KCNIP4: variants seen among roughly 807,000 people sequenced by gnomAD.
The protein encoded by KCNIP4 is potassium voltage-gated channel interacting protein 4.
A neutral mutation model predicts 34.0 loss-of-function variants in KCNIP4; 12 were observed. That is an observed-to-expected ratio of 0.35 (90% CI 0.23 to 0.57). The LOEUF is 0.57. KCNIP4 is among the 20% of genes least tolerant of loss of function. The pLI, the probability that KCNIP4 is intolerant of heterozygous loss-of-function variation, is 0.83. For synonymous variants in KCNIP4, 124 were observed against 102.2 expected (o/e 1.21, Z -1.29); for missense variants, 238 against 311.7 (o/e 0.76, Z 1.78).
chr4:20,894,408 T>C (rs958699197), intron 1 of KCNIP4, among the ~76,000 whole-genome samples: 1 of 152,202 alleles, frequency 6.6e-6, no homozygotes, highest in Non-Finnish European at 1.5e-5. Flanking sequence ...CAGTAACTAG[T>C]ATATATTCTT....
At chr4:21,007,473 G>A (rs1339552964) in intron 1 of KCNIP4, among the ~76,000 whole-genome samples, 1 of 152,126 alleles carries the variant, frequency 6.6e-6, no homozygotes, top group Non-Finnish European at 1.5e-5. Context: ...ACCCTGTCAT[G>A]CTTTCAAAAA....
At chr4:20,891,131 G>A (rs1725873175) in intron 1 of KCNIP4, among the ~76,000 whole-genome samples, 1 of 152,132 alleles carries the variant, frequency 6.6e-6, no homozygotes, top group Admixed American at 6.6e-5. Context: ...ATTTCTCATG[G>A]GTTAGCTTGG....
intron 3 of KCNIP4, among the ~76,000 whole-genome samples, chr4:20,778,266 C>T (rs1177859364): frequency 6.6e-6 from 1 of 152,096 alleles, no homozygotes; most frequent in Non-Finnish European, 1.5e-5. Context: ...CCTCACTTGC[C>T]TTATCTGTAA....
chr4:21,054,749 C>G (rs1400637153), intron 1 of KCNIP4, among the ~76,000 whole-genome samples: 2 of 143,464 alleles, frequency 1.4e-5, no homozygotes, highest in Non-Finnish European at 3.0e-5. Flanking sequence ...AGACCTTATA[C>G]TCTTCACAAA....
At chr4:21,135,371 A>G (rs1247796441) in intron 1 of KCNIP4, among the ~76,000 whole-genome samples, 2 of 152,192 alleles carry the variant, frequency 1.3e-5, no homozygotes, top group African/African-American at 4.8e-5. Context: ...GTGAGGGTCT[A>G]TTGGACCCCT....
intron 1 of KCNIP4, among the ~76,000 whole-genome samples, chr4:21,522,167 G>C (rs1176448579): frequency 6.6e-6 from 1 of 151,940 alleles, no homozygotes; most frequent in Non-Finnish European, 1.5e-5. Context: ...TTTTACTTCA[G>C]TCTACACATA....
At position 21,920,474 on chromosome 4, in the gene KCNIP4, T is replaced by C. The variant is rs1038494351; in HGVS notation, c.61+28097A>G. 2.0e-5 allele frequency among the ~76,000 whole-genome samples: 3 copies of C among 152,056 alleles called. No homozygotes were observed. The East Asian group carries it at 5.8e-4, about 29-fold the overall frequency. ...ATTTTGGAGACTTTGGGGTGTTGTT[T>C]GGGAGGTGGGTGAGGAATAAAAGGC... On this transcript the variant is annotated intron_variant, in intron 1 of 8. Transcript: ENST00000382152.
intron 1 of KCNIP4, among the ~76,000 whole-genome samples, chr4:21,366,788 G>C (rs1469878222): frequency 1.3e-5 from 2 of 152,054 alleles, no homozygotes; most frequent in African/African-American, 4.8e-5. Flanking sequence ...GACAGGGAGA[G>C]AGAAACAAAG....
chr4:21,285,100 AT>A lies in KCNIP4; in HGVS notation c.62-402392del. Among the ~76,000 whole-genome samples the A allele has an allele frequency of 2.0e-5, 3 of 152,278 alleles. No individual in the cohort carries two copies. The South Asian group carries it at 6.2e-4, about 32-fold the overall frequency. ...GGCTTAGGTTGATCCATTAGCAAAT[AT>A]TTTTTAAATTAAATATTAATGCAAA... is the stretch of plus-strand genomic sequence containing the variant. On this transcript the variant is annotated intron_variant, in intron 1 of 8. Coordinates refer to ENST00000382152, the MANE Select transcript of KCNIP4 (RefSeq NM_025221.6).
At chr4:21,763,177 G>A (rs1718174773) in intron 1 of KCNIP4, 1 of 1,146,208 alleles carries the variant, frequency 8.7e-7, no homozygotes, top group Non-Finnish European at 1.1e-6. Context: ...GAAGAACATT[G>A]CCCAGATTAT....
intron 1 of KCNIP4, among the ~76,000 whole-genome samples, chr4:21,276,697 A>G (rs1415330255): frequency 6.6e-6 from 1 of 152,016 alleles, no homozygotes; most frequent in East Asian, 1.9e-4. Context: ...ATAGAAAGCT[A>G]CTTTTGTTTG....
chr4:20,803,017 G>A (rs1578655880), intron 3 of KCNIP4, among the ~76,000 whole-genome samples: 1 of 148,170 alleles, frequency 6.7e-6, no homozygotes, highest in East Asian at 2.0e-4. Context: ...GTAGCATGCA[G>A]TGAGCAGAGA....
chr4:21,238,481 T>C (rs1577941514), intron 1 of KCNIP4, among the ~76,000 whole-genome samples: 2 of 152,104 alleles, frequency 1.3e-5, no homozygotes, highest in South Asian at 2.1e-4. Flanking sequence ...CTAGAAAACC[T>C]CATCGTCTCA....
chr4:21,010,146 GA>G (rs1361643481), intron 1 of KCNIP4, among the ~76,000 whole-genome samples: 6 of 152,236 alleles, frequency 3.9e-5, no homozygotes, highest in Middle Eastern at 3.4e-3. Context: ...GCTAATTAAG[GA>G]TGTCTCTGAA....
At chr4:21,131,243 A>G (rs1751046700) in intron 1 of KCNIP4, among the ~76,000 whole-genome samples, 1 of 152,206 alleles carries the variant, frequency 6.6e-6, no homozygotes, top group South Asian at 2.1e-4. Context: ...CTATAAACGC[A>G]TGCAATGATG....
intron 1 of KCNIP4, among the ~76,000 whole-genome samples, chr4:21,781,220 G>A (rs1275835005): frequency 3.9e-5 from 6 of 152,038 alleles, no homozygotes; most frequent in South Asian, 4.2e-4. Context: ...TTTTATAAGC[G>A]TCTGGCATTT....
rs535791989 is a variant in KCNIP4 at position 21,698,936 on chromosome 4, T to C, written c.61+249635A>G. Among the ~76,000 whole-genome samples the C allele has an allele frequency of 5.9e-5, 9 of 152,302 alleles. No individual in the cohort carries two copies. In the South Asian group the frequency reaches 1.0e-3, roughly 18 times the overall value. ...CCACCAGTCTCAGGGTTCTAACCAT[T>C]CTAACCATTTAAATGGAATAACAAA... On this transcript the variant is annotated intron_variant, in intron 1 of 8. Transcript: ENST00000382152.
rs181398861 is a variant in KCNIP4 at position 20,999,919 on chromosome 4, T to C, written c.62-117210A>G. On this transcript the variant is annotated intron_variant, in intron 1 of 8. Transcript: ENST00000382152. ...ATGCACGTTGCAACTTAGAATTTTCTGGTAGAGGCAACTTAACCTTCCCAG... is the reference window on the plus strand; with the variant it reads ...ATGCACGTTGCAACTTAGAATTTTCCGGTAGAGGCAACTTAACCTTCCCAG... 1.3e-3 allele frequency among the ~76,000 whole-genome samples: 191 copies of C among 152,302 alleles called. 1 individual carries two copies. Among genetic ancestry groups the C allele is most frequent in the Non-Finnish European group, 1.8e-3 (125 of 68,022 alleles).
intron 3 of KCNIP4, among the ~76,000 whole-genome samples, chr4:20,788,426 G>A (rs1467226436): frequency 6.6e-6 from 1 of 152,094 alleles, no homozygotes; most frequent in Non-Finnish European, 1.5e-5. Context: ...TCTACCAAAA[G>A]TAGCTGACTA....
Sources: allele counts gnomAD v4.1 joint callset (sites outside exome capture counted in the v4.1 genomes callset), GRCh38; gene constraint gnomAD v4.1.1; transcripts MANE v1.5; gene names NCBI Gene and HGNC (gene_info 2026-07-23, HGNC 2026-07-21).